Variants in CFAP210 observed in about 807,000 individuals in gnomAD.
CFAP210 encodes the protein cilia and flagella associated protein 210.
chr2:169,661,333 A>G, the CFAP210 span: 1 of 450,604 alleles, frequency 2.2e-6, no homozygotes, highest in Non-Finnish European at 4.4e-6. Context: ...TTTCCTTTTC[A>G]GATTCTGTAG....
the CFAP210 span, among the ~76,000 whole-genome samples, chr2:169,683,459 T>C: frequency 6.6e-6 from 1 of 152,232 alleles, no homozygotes; most frequent in Non-Finnish European, 1.5e-5. Context: ...TGGCTTTTGT[T>C]ACCTGCAATC....
the CFAP210 span, among the ~76,000 whole-genome samples, chr2:169,650,696 CAT>C: frequency 1.3e-5 from 2 of 150,260 alleles, no homozygotes; most frequent in African/African-American, 4.9e-5. Context: ...TATAAAGTAA[CAT>C]ATATTCTAAA....
At chr2:169,645,640 C>T in the CFAP210 span, 5 of 529,482 alleles carry the variant, frequency 9.4e-6, no homozygotes, top group East Asian at 1.5e-4. Flanking sequence ...AAAAAGTAAA[C>T]TTGTGTATTT....
chr2:169,646,190 G>T, the CFAP210 span: 1 of 1,579,066 alleles, frequency 6.3e-7, no homozygotes, highest in African/African-American at 1.4e-5. Context: ...GGCCTATTTG[G>T]GAAAGAAAGG....
At chr2:169,661,178 C>T in the CFAP210 span, 1 of 577,052 alleles carries the variant, frequency 1.7e-6, no homozygotes, top group South Asian at 1.4e-5. Context: ...GGAACAAATG[C>T]ACCCCATGCC....
At chr2:169,669,774 TA>T in the CFAP210 span, among the ~76,000 whole-genome samples, 32,195 of 132,934 alleles carry the variant, frequency 0.24, 4,056 homozygotes, top group East Asian at 0.39. Context: ...GACTCCGTCT[TA>T]AAAAAAAAAA....
the CFAP210 span, chr2:169,658,050 GGT>G: frequency 2.6e-5 from 4 of 152,030 alleles, no homozygotes; most frequent in East Asian, 7.7e-4. Flanking sequence ...GCTATTCAAA[GGT>G]GTATTATAGC....
chr2:169,685,286 AT>A, the CFAP210 span, among the ~76,000 whole-genome samples: 1 of 151,914 alleles, frequency 6.6e-6, no homozygotes, highest in African/African-American at 2.4e-5. Context: ...CTGTCCCTTT[AT>A]TTTTTCACTC....
chr2:169,669,203 A>G, the CFAP210 span, among the ~76,000 whole-genome samples: 6 of 152,200 alleles, frequency 3.9e-5, no homozygotes, highest in Admixed American at 2.0e-4. Flanking sequence ...TCCAGACCAT[A>G]GAGAAAACAT....
At chr2:169,656,214 C>T in the CFAP210 span, among the ~76,000 whole-genome samples, 1 of 152,040 alleles carries the variant, frequency 6.6e-6, no homozygotes, top group African/African-American at 2.4e-5. Flanking sequence ...CACTTAAGCC[C>T]AGGAAGTCAA....
At chr2:169,673,593 T>C in the CFAP210 span, among the ~76,000 whole-genome samples, 1 of 152,074 alleles carries the variant, frequency 6.6e-6, no homozygotes, top group South Asian at 2.1e-4. Flanking sequence ...ATAAATTATA[T>C]ATGTGACATA....
At chr2:169,677,250 A>T in the CFAP210 span, among the ~76,000 whole-genome samples, 1 of 152,238 alleles carries the variant, frequency 6.6e-6, no homozygotes, top group Non-Finnish European at 1.5e-5. Context: ...TGATACTCAA[A>T]CTAGATAAAG....
chr2:169,670,835 T>C, the CFAP210 span, among the ~76,000 whole-genome samples: 2 of 152,210 alleles, frequency 1.3e-5, no homozygotes, highest in African/African-American at 4.8e-5. Context: ...ACACATTCTA[T>C]TTCTTGGAAA....
At chr2:169,648,505 AAAC>A in the CFAP210 span, among the ~76,000 whole-genome samples, 5 of 152,192 alleles carry the variant, frequency 3.3e-5, no homozygotes, top group African/African-American at 4.8e-5. Context: ...AGCACTAAGA[AAAC>A]AACCCAATTA....
chr2:169,674,194 C>T, the CFAP210 span, among the ~76,000 whole-genome samples: 1 of 152,180 alleles, frequency 6.6e-6, no homozygotes, highest in African/African-American at 2.4e-5. Flanking sequence ...GCTGCTTCAT[C>T]CTGAACCTCA....
the CFAP210 span, among the ~76,000 whole-genome samples, chr2:169,653,611 C>T: frequency 6.6e-6 from 1 of 152,198 alleles, no homozygotes; most frequent in South Asian, 2.1e-4. Flanking sequence ...TGTACTTAAT[C>T]CCATTACGAC....
chr2:169,654,172 G>C, the CFAP210 span: 1 of 1,596,072 alleles, frequency 6.3e-7, no homozygotes, highest in African/African-American at 1.3e-5. Flanking sequence ...TCTTGCTGCT[G>C]CTGTTCTACA....
the CFAP210 span, among the ~76,000 whole-genome samples, chr2:169,647,429 AAAAATT>A: frequency 6.6e-6 from 1 of 152,210 alleles, no homozygotes; most frequent in Admixed American, 6.5e-5. Context: ...AAAAGTTCCA[AAAAATT>A]AAGTTTAAAA....
At chr2:169,687,195 G>A in the CFAP210 span, among the ~76,000 whole-genome samples, 1 of 152,060 alleles carries the variant, frequency 6.6e-6, no homozygotes, top group African/African-American at 2.4e-5. Flanking sequence ...ATTTGGGTGG[G>A]GACACAGCCA....
Sources: gnomAD v4.1 joint callset for allele counts (sites outside exome capture counted in the v4.1 genomes callset) on GRCh38, gnomAD v4.1.1 for gene constraint, MANE v1.5 for transcripts, NCBI Gene and HGNC (gene_info 2026-07-23, HGNC 2026-07-21) for gene names.